The following KLHL8 variants were observed in gnomAD, a reference collection of about 807,000 sequenced individuals.
KLHL8 encodes kelch like family member 8.
Under a neutral mutation model 63.5 loss-of-function variants are expected in KLHL8, and 38 were observed. That is an observed-to-expected ratio of 0.60 (90% CI 0.46 to 0.78). The LOEUF is 0.78. Among genes scored for constraint, KLHL8 ranks in the 30% least tolerant of loss-of-function variants. The probability of loss-of-function intolerance (pLI) is 0.00; values close to 1 mark genes in which losing one functional copy is unlikely to be tolerated. For missense variants in KLHL8, 566 were observed against 752.4 expected, an observed-to-expected ratio of 0.75 and a Z score of 2.90; for synonymous variants, 224 against 254.3, an observed-to-expected ratio of 0.88 and a Z score of 1.13.
chr4:87,173,405 G>C (rs1730707623), intron 6 of KLHL8, among the ~76,000 whole-genome samples: 1 of 152,082 alleles, frequency 6.6e-6, no homozygotes, highest in African/African-American at 2.4e-5. Context: ...TCTTGTGGTG[G>C]GCATTTAAAA....
chr4:87,176,719 C>A, intron 6 of KLHL8, 38 bp downstream of exon 6: 1 of 1,173,128 alleles, frequency 8.5e-7, no homozygotes, highest in South Asian at 1.3e-5. Flanking sequence ...AACTTTATTT[C>A]CACCATCAGT....
At chr4:87,165,098 C>T (rs1017734579) in intron 8 of KLHL8, among the ~76,000 whole-genome samples, 15 of 136,374 alleles carry the variant, frequency 1.1e-4, no homozygotes, top group Admixed American at 6.8e-4. Context: ...TGCAGTGAGC[C>T]GAGATTGTGC....
chr4:87,235,386 C>G (rs1224810749), intron 1 of KLHL8, among the ~76,000 whole-genome samples: 1 of 152,118 alleles, frequency 6.6e-6, no homozygotes, highest in Non-Finnish European at 1.5e-5. Context: ...GGGTTTGTAG[C>G]CTAGGAGCAG....
At chr4:87,229,880 G>A (rs1227651702) in intron 1 of KLHL8, among the ~76,000 whole-genome samples, 6 of 151,936 alleles carry the variant, frequency 3.9e-5, no homozygotes, top group Non-Finnish European at 4.4e-5. Flanking sequence ...ACAGGTGCCC[G>A]CCACCACCTA....
chr4:87,175,272 C>T (rs530879626), intron 6 of KLHL8, among the ~76,000 whole-genome samples: 5 of 152,246 alleles, frequency 3.3e-5, no homozygotes, highest in African/African-American at 9.6e-5. Flanking sequence ...TCTATAGATA[C>T]GGAGAGATCA....
intron 6 of KLHL8, 119 bp from the exon 7 acceptor site, chr4:87,170,734 T>A: frequency 1.1e-6 from 1 of 878,114 alleles, no homozygotes; most frequent in Non-Finnish European, 1.7e-6. Context: ...GTATAGTTTG[T>A]TTCCATTATT....
chr4:87,198,863 G>A (rs145582739), intron 1 of KLHL8, among the ~76,000 whole-genome samples: 3 of 152,176 alleles, frequency 2.0e-5, no homozygotes, highest in African/African-American at 7.2e-5. Context: ...CAACAACCAA[G>A]AGGTAGAAGC....
rs1487347178 is a variant in KLHL8 at position 87,170,197 on chromosome 4, A to G, written c.1419T>C (p.Ser473=). The change falls in exon 8 of 10, where the codon TCT becomes TCC. Residue 473 remains serine (S), a synonymous_variant. Coordinates refer to ENST00000273963, the MANE Select transcript of KLHL8 (RefSeq NM_020803.5). ...GATCATATCTCTCCACGCTAGATAA[A>G]GAAGCCATTCCATCATTGCCACCTA... The part of the protein sequence containing the change: ...YAVGGNDGMA[S]LSSVERYDPH... The G allele has an allele frequency of 1.9e-6, 3 of 1,613,766 alleles. No individual in the cohort carries two copies. Among genetic ancestry groups the G allele is most frequent in the East Asian group, 4.5e-5 (2 of 44,876 alleles).
intron 2 of KLHL8, 25 bp downstream of exon 2, chr4:87,195,298 GA>G (rs1167299016): frequency 6.3e-7 from 1 of 1,594,764 alleles, no homozygotes; most frequent in Non-Finnish European, 8.6e-7. Context: ...AGAGGCCTGA[GA>G]AAAGTACAAA....
At chr4:87,213,580 C>T (rs1308406939) in intron 1 of KLHL8, among the ~76,000 whole-genome samples, 3 of 152,154 alleles carry the variant, frequency 2.0e-5, no homozygotes, top group Non-Finnish European at 2.9e-5. Flanking sequence ...AACATAGTTA[C>T]TGACATTAGA....
intron 1 of KLHL8, among the ~76,000 whole-genome samples, chr4:87,210,551 GATTAT>G (rs1028677090): frequency 1.3e-5 from 2 of 152,156 alleles, no homozygotes; most frequent in African/African-American, 4.8e-5. Flanking sequence ...GGATACAAAA[GATTAT>G]ATTTTATAGC....
Position 87,195,311 on chromosome 4 carries a change from AAG to A in KLHL8, c.216+11_216+12del, listed in dbSNP as rs1329605597. The A allele has an allele frequency of 1.9e-6, 3 of 1,606,740 alleles. No individual in the cohort carries two copies. The Admixed American group carries it at 5.0e-5, about 27-fold the overall frequency. On this transcript the variant is annotated intron_variant, in intron 2 of 9. Coordinates refer to ENST00000273963, the MANE Select transcript of KLHL8 (RefSeq NM_020803.5). The stretch of plus-strand genomic sequence containing the variant: ...GAAGAGGCCTGAGAAAAGTACAAAA[AAG>A]GCAATCTCACCTTGAGTGTGACATC...
intron 1 of KLHL8, among the ~76,000 whole-genome samples, chr4:87,235,339 A>T (rs1022288003): frequency 1.3e-5 from 2 of 152,170 alleles, no homozygotes; most frequent in African/African-American, 4.8e-5. Flanking sequence ...ACCGTATTCT[A>T]GTTGCCTACA....
intron 1 of KLHL8, among the ~76,000 whole-genome samples, chr4:87,201,962 G>T (rs1312162246): frequency 6.6e-6 from 1 of 152,008 alleles, no homozygotes; most frequent in African/African-American, 2.4e-5. Flanking sequence ...AAAAAAATTA[G>T]CTGGGCGTAG....
At chr4:87,234,169 G>A (rs1052261989) in intron 1 of KLHL8, among the ~76,000 whole-genome samples, 1 of 152,218 alleles carries the variant, frequency 6.6e-6, no homozygotes, top group African/African-American at 2.4e-5. Flanking sequence ...GCTGGGTGTG[G>A]TGGCTCACGC....
Position 87,214,222 on chromosome 4 carries a change from T to A in KLHL8, c.-152+6196A>T, listed in dbSNP as rs192154947. Among the ~76,000 whole-genome samples the A allele has an allele frequency of 6.9e-4, 103 of 149,984 alleles. 2 individuals are homozygous for A. In the East Asian group the frequency reaches 0.017, roughly 25 times the overall value. ...ATACCCTAAGTCATCTTTTTTTTTTTAATGACAACAGCAAGCATTAATTGG... is the reference window on the plus strand; with the variant it reads ...ATACCCTAAGTCATCTTTTTTTTTTAAATGACAACAGCAAGCATTAATTGG... On this transcript the variant is annotated intron_variant, in intron 1 of 9. Transcript: ENST00000273963.
intron 1 of KLHL8, among the ~76,000 whole-genome samples, chr4:87,204,301 C>T (rs1159043977): frequency 1.3e-5 from 2 of 151,492 alleles, no homozygotes; most frequent in Non-Finnish European, 2.9e-5. Context: ...ACAATACTAA[C>T]AATACCAAGT....
At chr4:87,193,024 C>T (rs1337683202) in intron 2 of KLHL8, among the ~76,000 whole-genome samples, 1 of 152,050 alleles carries the variant, frequency 6.6e-6, no homozygotes, top group Non-Finnish European at 1.5e-5. Flanking sequence ...CTTTATTGTA[C>T]ACTACTGTAG....
chr4:87,215,967 T>C (rs906503903), intron 1 of KLHL8, among the ~76,000 whole-genome samples: 1 of 152,254 alleles, frequency 6.6e-6, no homozygotes, highest in Non-Finnish European at 1.5e-5. Context: ...TATCATCATC[T>C]AGTTTGAAAG....
Sources: gnomAD v4.1 joint callset for allele counts (sites outside exome capture counted in the v4.1 genomes callset) on GRCh38, gnomAD v4.1.1 for gene constraint, MANE v1.5 for transcripts, NCBI Gene and HGNC (gene_info 2026-07-23, HGNC 2026-07-21) for gene names.